The following MTPAP variants were observed in gnomAD, a reference collection of about 807,000 sequenced individuals.
MTPAP encodes mitochondrial poly(A) polymerase, also known as poly(A) RNA polymerase, mitochondrial.
Under a neutral mutation model 48.7 loss-of-function variants are expected in MTPAP, and 23 were observed. That is an observed-to-expected ratio of 0.47 (90% CI 0.34 to 0.67). The LOEUF (loss-of-function observed/expected upper bound fraction) is 0.67, where lower values mean the gene tolerates loss of function less well. MTPAP is among the 30% of genes least tolerant of loss of function. The pLI is 0.01. For missense variants in MTPAP, 614 were observed against 694.3 expected, an observed-to-expected ratio of 0.88 and a Z score of 1.30; for synonymous variants, 257 against 254.1, an observed-to-expected ratio of 1.01 and a Z score of -0.11.
intron 3 of MTPAP, among the ~76,000 whole-genome samples, chr10:30,339,400 T>C (rs1834771767): frequency 6.8e-6 from 1 of 146,878 alleles, no homozygotes; most frequent in Non-Finnish European, 1.5e-5. Flanking sequence ...GGCATGAGAA[T>C]TGCTTGAATC....
Position 30,349,270 on chromosome 10 carries a change from C to T in MTPAP, c.6G>A (p.Ala2=), listed in dbSNP as rs1834907110. 1.4e-6 allele frequency: 2 copies of T among 1,436,298 alleles called. No homozygotes were observed. The highest frequency in any genetic ancestry group is 1.9e-6 in the Non-Finnish European group (2 of 1,076,130). 89.0% of individuals were successfully genotyped at this position (1,436,298 alleles called of 1,614,324 possible). A position where few individuals can be genotyped will look rare whatever the true frequency, so the allele number is the denominator to read the frequency against. Residue 2 remains alanine, a synonymous_variant, in exon 1 of 9, where the codon GCG becomes GCA. Transcript: ENST00000263063. ...GGGTCAAGAGCCCCACGCCGGGAAC[C>T]GCCATTGCTAAAAAAAAAAAAAAAA... is the stretch of plus-strand genomic sequence containing the variant. M[A]VPGVGLLTRL...
intron 4 of MTPAP, among the ~76,000 whole-genome samples, chr10:30,328,343 T>C (rs1834623336): frequency 1.3e-5 from 2 of 152,352 alleles, no homozygotes; most frequent in Admixed American, 6.5e-5. Context: ...GTATACACTG[T>C]TGATGGGAGT....
chr10:30,325,114 T>C (rs1564520095), intron 5 of MTPAP, among the ~76,000 whole-genome samples: 1 of 152,078 alleles, frequency 6.6e-6, no homozygotes, highest in Admixed American at 6.6e-5. Context: ...GTATAAGGTA[T>C]CTTGATATAA....
At chr10:30,333,280 T>C (rs1168353709) in intron 4 of MTPAP, among the ~76,000 whole-genome samples, 3 of 152,224 alleles carry the variant, frequency 2.0e-5, no homozygotes, top group Non-Finnish European at 4.4e-5. Context: ...ACTTACTCTG[T>C]GCCATAAGCA....
At position 30,326,459 on chromosome 10, in the gene MTPAP, G is replaced by C. The variant is rs753822478; in HGVS notation, c.957C>G (p.Ala319=). 6.2e-7 allele frequency: 1 copy of C among 1,614,080 alleles called. No individual in the cohort carries two copies. The highest frequency in any genetic ancestry group is 8.5e-7 in the Non-Finnish European group (1 of 1,180,006). Residue 319 remains alanine, a synonymous_variant, in exon 5 of 9, where the codon GCC becomes GCG. Coordinates refer to ENST00000263063, the MANE Select transcript of MTPAP (RefSeq NM_018109.4). ...RCPLVRFSHQ[A]SGFQCDLTTN... ...TAGTCAAATCACACTGAAATCCGGA[G>C]GCCTGGTGTGAGAACCTCACGAGCG...
chr10:30,347,447 G>C (rs1834886181), intron 1 of MTPAP, among the ~76,000 whole-genome samples: 1 of 152,152 alleles, frequency 6.6e-6, no homozygotes, highest in African/African-American at 2.4e-5. Flanking sequence ...CTTTAAAATG[G>C]TAAAGACATC....
intron 8 of MTPAP, 147 bp from the exon 9 acceptor site, chr10:30,314,118 T>A: frequency 1.0e-6 from 1 of 961,264 alleles, no homozygotes; most frequent in Non-Finnish European, 1.6e-6. Context: ...GGATTGAGTA[T>A]GTATGCATGG....
intron 2 of MTPAP, among the ~76,000 whole-genome samples, chr10:30,340,932 C>T (rs758981773): frequency 6.6e-5 from 10 of 150,484 alleles, no homozygotes; most frequent in Middle Eastern, 6.9e-3. Flanking sequence ...AAAAAAGAAA[C>T]GGAACCTTAA....
rs1416836447 is a variant in MTPAP at position 30,313,615 on chromosome 10, C to T, written c.1743G>A (p.Gln581=). 2.5e-6 allele frequency: 4 copies of T among 1,614,072 alleles called. No homozygotes were observed. The South Asian group carries it at 3.3e-5, about 13-fold the overall frequency. The change falls in exon 9 of 9, where the codon CAG becomes CAA. Residue 581 remains glutamine (Q), a synonymous_variant. Transcript: ENST00000263063. The part of the protein sequence containing the change: ...KTSGKRTIST[Q]T ...TTACACAATGTAGCAGCCATCATGTCTGAGTACTAATTGTTCTCTTCCCAC... is the reference window on the plus strand; with the variant it reads ...TTACACAATGTAGCAGCCATCATGTTTGAGTACTAATTGTTCTCTTCCCAC...
chr10:30,331,152 T>C (rs929736015), intron 4 of MTPAP, among the ~76,000 whole-genome samples: 1 of 152,220 alleles, frequency 6.6e-6, no homozygotes, highest in African/African-American at 2.4e-5. Flanking sequence ...GGAAAGATAT[T>C]CTCAAAAATG....
At position 30,313,774 on chromosome 10, in the gene MTPAP, T is replaced by C. The variant is rs749566088; in HGVS notation, c.1584A>G (p.Val528=). 1 of 1,614,222 alleles carries C rather than the reference T, an allele frequency of 6.2e-7. No homozygotes were observed. Among genetic ancestry groups the C allele is most frequent in the Admixed American group, 1.7e-5 (1 of 60,024 alleles). ...TTGGAGCAGATGGTAGCAATAGGGA[T>C]ACCAGCCCCCAGGGCCGATTACTTG... ...SISSNRPWGL[V]SLLLPSAPNR... is the part of the protein sequence containing the mutation. Residue 528 remains valine (V), a synonymous_variant, in exon 9 of 9, where the codon GTA becomes GTG. Coordinates refer to ENST00000263063, the MANE Select transcript of MTPAP (RefSeq NM_018109.4).
intron 1 of MTPAP, 190 bp downstream of exon 1, chr10:30,348,929 C>T: frequency 2.8e-6 from 2 of 718,966 alleles, no homozygotes; most frequent in Non-Finnish European, 4.6e-6. Flanking sequence ...TCACACATCT[C>T]ACTTCTGCCT....
intron 6 of MTPAP, among the ~76,000 whole-genome samples, chr10:30,320,877 C>T (rs886647286): frequency 3.9e-5 from 6 of 152,188 alleles, no homozygotes; most frequent in African/African-American, 1.4e-4. Context: ...TCCCAAAGTT[C>T]CGTTATTTTT....
intron 4 of MTPAP, among the ~76,000 whole-genome samples, chr10:30,331,914 G>A (rs766276957): frequency 7.9e-5 from 12 of 152,144 alleles, no homozygotes; most frequent in Non-Finnish European, 1.6e-4. Context: ...AGTCCCTATC[G>A]TGCATGGGAT....
intron 5 of MTPAP, among the ~76,000 whole-genome samples, chr10:30,325,889 T>C (rs190895824): frequency 6.2e-5 from 9 of 144,844 alleles, no homozygotes; most frequent in Non-Finnish European, 1.0e-4. Flanking sequence ...GCACATAGGC[T>C]GAACAAAAGC....
intron 1 of MTPAP, among the ~76,000 whole-genome samples, chr10:30,346,134 C>CT (rs1834871450): frequency 6.6e-6 from 1 of 151,692 alleles, no homozygotes; most frequent in Non-Finnish European, 1.5e-5. Context: ...AAAAATTAAC[C>CT]TAGCAGTTTT....
Position 30,311,185 on chromosome 10 carries a change from A to C in MTPAP, c.*2424T>G, listed in dbSNP as rs1359275052. 1.3e-5 allele frequency: 2 copies of C among 152,190 alleles called. No homozygotes were observed. The highest frequency in any genetic ancestry group is 2.4e-5 in the African/African-American group (1 of 41,444). 9.4% of individuals were successfully genotyped at this position (152,190 alleles called of 1,614,324 possible). A position where few individuals can be genotyped will look rare whatever the true frequency, so the allele number is the denominator to read the frequency against. On this transcript the variant is annotated 3_prime_UTR_variant, in exon 9 of 9. Transcript: ENST00000263063. ...TTTTAAGCTTTTTAAATCAATATGG[A>C]TTTCTAGCCCAACAAAATAAAGAAC...
intron 4 of MTPAP, among the ~76,000 whole-genome samples, chr10:30,329,222 T>A (rs1834635569): frequency 6.6e-6 from 1 of 151,448 alleles, no homozygotes; most frequent in Non-Finnish European, 1.5e-5. Flanking sequence ...CACTCCAGCC[T>A]GGGTGACAGA....
intron 4 of MTPAP, among the ~76,000 whole-genome samples, chr10:30,336,311 T>C (rs538483287): frequency 2.6e-5 from 4 of 152,214 alleles, no homozygotes; most frequent in African/African-American, 9.6e-5. Flanking sequence ...GAATAAAGCA[T>C]GTATGAGGGA....
Sources: gnomAD v4.1 joint callset for allele counts (sites outside exome capture counted in the v4.1 genomes callset) on GRCh38, gnomAD v4.1.1 for gene constraint, MANE v1.5 for transcripts, NCBI Gene and HGNC (gene_info 2026-07-23, HGNC 2026-07-21) for gene names.